The following CCSER1 variants were observed in gnomAD, a reference collection of about 807,000 sequenced individuals.
CCSER1 encodes the protein serine-rich coiled-coil domain-containing protein 1.
CCSER1 carries 41 observed loss-of-function variants against 82.0 expected under a neutral mutation model. That is an observed-to-expected ratio of 0.50 (90% CI 0.39 to 0.65). The LOEUF (loss-of-function observed/expected upper bound fraction) is 0.65. Among genes scored for constraint, CCSER1 ranks in the 30% least tolerant of loss-of-function variants. The probability of loss-of-function intolerance (pLI) is 0.00; values close to 1 mark genes in which losing one functional copy is unlikely to be tolerated. For synonymous variants in CCSER1, 414 were observed against 383.9 expected (o/e 1.08, Z -0.92); for missense variants, 1,119 against 1,064.2 (o/e 1.05, Z -0.72).
At chr4:91,181,398 C>T (rs186630998) in intron 10 of CCSER1, among the ~76,000 whole-genome samples, 82 of 152,318 alleles carry the variant, frequency 5.4e-4, no homozygotes, top group African/African-American at 2.0e-3. Flanking sequence ...GTCTGTAACT[C>T]CTTCAAGCAC....
intron 5 of CCSER1, among the ~76,000 whole-genome samples, chr4:90,510,919 G>A (rs1771403130): frequency 1.3e-5 from 2 of 152,174 alleles, no homozygotes; most frequent in Non-Finnish European, 2.9e-5. Context: ...TTGATGCAGG[G>A]GAAGGAGTCT....
chr4:90,717,164 A>G (rs1741778918), intron 6 of CCSER1, among the ~76,000 whole-genome samples: 1 of 152,168 alleles, frequency 6.6e-6, no homozygotes, highest in South Asian at 2.1e-4. Context: ...TGTGACTGGC[A>G]GGAAATGTTG....
Position 91,229,742 on chromosome 4 carries a change from C to T in CCSER1, c.2217+143748C>T, listed in dbSNP as rs560333138. ...AGCAAACTAACACAGGAACAGGAAA[C>T]CAAACACCGCATGTTCTCACTCATT... On this transcript the variant is annotated intron_variant, in intron 10 of 10. Transcript: ENST00000509176. Among the ~76,000 whole-genome samples, 4 of 152,092 alleles carry T rather than the reference C, an allele frequency of 2.6e-5. No homozygotes were observed. In the East Asian group the frequency reaches 7.7e-4, roughly 29 times the overall value.
At chr4:91,444,986 AAG>A (rs1244646846) in intron 10 of CCSER1, among the ~76,000 whole-genome samples, 2 of 152,208 alleles carry the variant, frequency 1.3e-5, no homozygotes, top group African/African-American at 4.8e-5. Context: ...TATTACAGGA[AAG>A]AGAGTGTGTT....
At chr4:91,153,852 C>T (rs1730519087) in intron 10 of CCSER1, among the ~76,000 whole-genome samples, 1 of 151,884 alleles carries the variant, frequency 6.6e-6, no homozygotes, top group Admixed American at 6.6e-5. Flanking sequence ...TATATTGCTG[C>T]CTGATGCTTC....
chr4:91,556,520 A>G (rs2110239338), intron 10 of CCSER1, among the ~76,000 whole-genome samples: 1 of 151,184 alleles, frequency 6.6e-6, no homozygotes, highest in South Asian at 2.1e-4. Context: ...TATGTACTCT[A>G]AAACTTAAAG....
chr4:90,330,571 A>C (rs1739097009), intron 3 of CCSER1, among the ~76,000 whole-genome samples: 1 of 152,168 alleles, frequency 6.6e-6, no homozygotes, highest in African/African-American at 2.4e-5. Flanking sequence ...CCAGCCGTCC[A>C]CTGGAAGTTG....
intron 10 of CCSER1, among the ~76,000 whole-genome samples, chr4:91,088,261 C>A (rs902335929): frequency 4.6e-5 from 7 of 151,778 alleles, no homozygotes; most frequent in African/African-American, 7.3e-5. Context: ...ACAGCTATTC[C>A]CCATAGGTGT....
At chr4:90,842,215 C>G (rs1220342906) in intron 8 of CCSER1, among the ~76,000 whole-genome samples, 1 of 152,140 alleles carries the variant, frequency 6.6e-6, no homozygotes, top group Non-Finnish European at 1.5e-5. Context: ...ATATTTTCTT[C>G]TGTCTTTTAA....
chr4:91,210,157 A>G (rs938350328), intron 10 of CCSER1, among the ~76,000 whole-genome samples: 1 of 151,686 alleles, frequency 6.6e-6, no homozygotes, highest in African/African-American at 2.4e-5. Flanking sequence ...CTTGCCAAAT[A>G]CGGAATACAT....
intron 1 of CCSER1, among the ~76,000 whole-genome samples, chr4:90,204,094 C>CTT (rs1223184633): frequency 2.0e-5 from 3 of 152,056 alleles, no homozygotes; most frequent in African/African-American, 7.2e-5. Context: ...GATATTGGCC[C>CTT]TTTGTCAGAT....
chr4:91,079,079 G>A lies in CCSER1; in HGVS notation c.2173-6871G>A, dbSNP rs545483785. Among the ~76,000 whole-genome samples, 12 of 152,106 alleles carry A rather than the reference G, an allele frequency of 7.9e-5. No homozygotes were observed. The South Asian group carries it at 1.9e-3, about 24-fold the overall frequency. ...TTCAAATTCAGGAAATACAGAGAACGCCACAAAGATACTCCTCGAGAAGAG... is the reference window on the plus strand; with the variant it reads ...TTCAAATTCAGGAAATACAGAGAACACCACAAAGATACTCCTCGAGAAGAG... On this transcript the variant is annotated intron_variant, in intron 9 of 10. Transcript: ENST00000509176.
chr4:91,037,816 C>A (rs1741584588), intron 9 of CCSER1, among the ~76,000 whole-genome samples: 1 of 151,618 alleles, frequency 6.6e-6, no homozygotes, highest in African/African-American at 2.4e-5. Context: ...TACAGAATAT[C>A]TATATTTAGT....
At chr4:91,093,692 A>AT (rs750404994) in intron 10 of CCSER1, among the ~76,000 whole-genome samples, 13 of 152,180 alleles carry the variant, frequency 8.5e-5, no homozygotes, top group Non-Finnish European at 1.3e-4. Flanking sequence ...TCCAACTGCC[A>AT]TTTTTTCTCT....
intron 10 of CCSER1, among the ~76,000 whole-genome samples, chr4:91,272,421 C>A (rs892714627): frequency 2.0e-5 from 3 of 152,130 alleles, no homozygotes; most frequent in African/African-American, 7.2e-5. Flanking sequence ...CTATTCATGT[C>A]CTTAGCCCAC....
intron 7 of CCSER1, among the ~76,000 whole-genome samples, chr4:90,732,056 T>TCTCTCACA (rs1744853727): frequency 6.9e-6 from 1 of 144,708 alleles, no homozygotes; most frequent in African/African-American, 2.5e-5. Context: ...TCTCTCTCTC[T>TCTCTCACA]CTCTCACTGC....
intron 10 of CCSER1, among the ~76,000 whole-genome samples, chr4:91,494,802 C>A (rs1023110136): frequency 4.0e-5 from 6 of 151,616 alleles, no homozygotes; most frequent in Non-Finnish European, 8.9e-5. Flanking sequence ...CAGATTAAAG[C>A]TAATTGTATG....
intron 3 of CCSER1, among the ~76,000 whole-genome samples, chr4:90,315,176 C>T (rs1055071045): frequency 4.6e-5 from 7 of 152,180 alleles, no homozygotes; most frequent in African/African-American, 1.7e-4. Flanking sequence ...AGATTTAAAA[C>T]TTAAGAAACA....
intron 7 of CCSER1, among the ~76,000 whole-genome samples, chr4:90,775,950 G>A (rs1441211659): frequency 1.3e-5 from 2 of 151,586 alleles, no homozygotes; most frequent in Admixed American, 6.6e-5. Flanking sequence ...TGAACAATTA[G>A]GAGGCCTGAC....
Sources: gnomAD v4.1 joint callset for allele counts (sites outside exome capture counted in the v4.1 genomes callset) on GRCh38, gnomAD v4.1.1 for gene constraint, MANE v1.5 for transcripts, NCBI Gene and HGNC (gene_info 2026-07-23, HGNC 2026-07-21) for gene names.